Variants in DNAI1 observed in about 807,000 individuals in gnomAD.
DNAI1 encodes the protein dynein axonemal intermediate chain 1, also known as dynein, axonemal, intermediate polypeptide 1.
DNAI1 carries 67 observed loss-of-function variants against 92.0 expected under a neutral mutation model. The ratio of observed to expected loss-of-function variants is 0.73; its 90% CI spans 0.60 to 0.89. The LOEUF is 0.89. DNAI1 is among the 40% of genes least tolerant of loss of function. DNAI1 has a pLI of 0.00. For synonymous variants in DNAI1, 323 were observed against 319.6 expected, an observed-to-expected ratio of 1.01 and a Z score of -0.11; for missense variants, 839 against 866.6, an observed-to-expected ratio of 0.97 and a Z score of 0.40.
At chr9:34,479,950 C>G (rs1445468341) in intron 1 of DNAI1, among the ~76,000 whole-genome samples, 1 of 152,242 alleles carries the variant, frequency 6.6e-6, no homozygotes, top group Non-Finnish European at 1.5e-5. Context: ...GCTATAAGTG[C>G]CCATCTAGTC....
chr9:34,462,362 A>G (rs1221346892), intron 1 of DNAI1, among the ~76,000 whole-genome samples: 1 of 152,122 alleles, frequency 6.6e-6, no homozygotes, highest in Non-Finnish European at 1.5e-5. Flanking sequence ...TTCATATCCT[A>G]TTCATATTTC....
intron 1 of DNAI1, among the ~76,000 whole-genome samples, chr9:34,467,923 A>C (rs960057498): frequency 2.0e-5 from 3 of 152,222 alleles, no homozygotes; most frequent in African/African-American, 7.2e-5. Context: ...AGGTAGATCC[A>C]AAGGAGAGCA....
intron 1 of DNAI1, among the ~76,000 whole-genome samples, chr9:34,464,561 C>T (rs1365692245): frequency 6.6e-6 from 1 of 151,684 alleles, no homozygotes. Flanking sequence ...TAAGTTTCCT[C>T]TGTTATATAG....
intron 1 of DNAI1, among the ~76,000 whole-genome samples, chr9:34,479,341 G>C (rs1322439176): frequency 1.3e-5 from 2 of 152,198 alleles, no homozygotes; most frequent in African/African-American, 4.8e-5. Context: ...TCTGTCTCAG[G>C]CTTCTCATTC....
chr9:34,476,347 TTCTC>T (rs1207526033), intron 1 of DNAI1, among the ~76,000 whole-genome samples: 1 of 152,198 alleles, frequency 6.6e-6, no homozygotes, highest in Non-Finnish European at 1.5e-5. Context: ...AACCACCTCA[TTCTC>T]TCTCAGCTCC....
At chr9:34,491,772 C>T (rs889654260) in intron 8 of DNAI1, among the ~76,000 whole-genome samples, 2 of 152,206 alleles carry the variant, frequency 1.3e-5, no homozygotes, top group African/African-American at 4.8e-5. Flanking sequence ...AGCCACGTGA[C>T]TCAAGGGCAA....
At chr9:34,489,221 A>G (rs1355291615) in intron 4 of DNAI1, 102 bp from the exon 5 acceptor site, 12 of 1,420,664 alleles carry the variant, frequency 8.4e-6, no homozygotes, top group Admixed American at 6.7e-5. Flanking sequence ...ATTTCCTTTA[A>G]CAAAGATGGA....
intron 16 of DNAI1, 117 bp downstream of exon 16, chr9:34,513,308 G>C: frequency 2.5e-6 from 2 of 811,646 alleles, no homozygotes; most frequent in East Asian, 5.0e-5. Context: ...GTTCTAGAAG[G>C]CCTCTTGAGG....
intron 1 of DNAI1, among the ~76,000 whole-genome samples, chr9:34,466,403 T>C (rs1349608388): frequency 6.6e-6 from 1 of 152,252 alleles, no homozygotes; most frequent in Non-Finnish European, 1.5e-5. Flanking sequence ...GGAGTGTATA[T>C]GGACAAAATA....
Position 34,469,842 on chromosome 9 carries a change from A to G in DNAI1, c.48+10789A>G, listed in dbSNP as rs921364754. 1.4e-4 allele frequency among the ~76,000 whole-genome samples: 21 copies of G among 152,176 alleles called. 1 individual carries two copies. Among genetic ancestry groups the G allele is most frequent in the African/African-American group, 5.1e-4 (21 of 41,436 alleles). ...TGATCCTACTGTCTCGGCCTCCCAG[A>G]GTGCTGAGATTACAGGCGTGAGCCA... On this transcript the variant is annotated intron_variant, in intron 1 of 19. Transcript: ENST00000242317.
intron 10 of DNAI1, among the ~76,000 whole-genome samples, chr9:34,499,796 C>T (rs765522592): frequency 1.3e-4 from 20 of 152,240 alleles, no homozygotes; most frequent in Non-Finnish European, 1.9e-4. Flanking sequence ...GGAGGGGACA[C>T]GGACAGCTGA....
At chr9:34,465,885 A>G (rs570053115) in intron 1 of DNAI1, among the ~76,000 whole-genome samples, 1 of 152,236 alleles carries the variant, frequency 6.6e-6, no homozygotes, top group Non-Finnish European at 1.5e-5. Flanking sequence ...AGCAAAGGAC[A>G]CAGCTGTTGT....
intron 1 of DNAI1, 26 bp from the exon 2 acceptor site, chr9:34,483,422 C>T (rs749365115): frequency 3.7e-6 from 6 of 1,608,428 alleles, no homozygotes; most frequent in Non-Finnish European, 5.1e-6. Context: ...TTATGACTTA[C>T]CTTCTGTTTT....
chr9:34,477,750 G>A (rs1824265175), intron 1 of DNAI1, among the ~76,000 whole-genome samples: 1 of 152,026 alleles, frequency 6.6e-6, no homozygotes, highest in African/African-American at 2.4e-5. Context: ...TGAGTGAGAG[G>A]GGGAATCCTG....
intron 1 of DNAI1, chr9:34,478,897 T>G (rs1451660299): frequency 3.3e-5 from 5 of 152,180 alleles, no homozygotes; most frequent in African/African-American, 1.2e-4. Context: ...TAACAGAGTG[T>G]CTATTTACGT....
chr9:34,485,033 A>G (rs1005647379), intron 2 of DNAI1, 109 bp from the exon 3 acceptor site: 1 of 1,037,668 alleles, frequency 9.6e-7, no homozygotes, highest in Non-Finnish European at 1.5e-6. Flanking sequence ...TATTCTACAT[A>G]CAAGGGGCAG....
chr9:34,485,510 G>T lies in DNAI1; in HGVS notation c.254G>T (p.Ser85Ile). The T allele has an allele frequency of 1.2e-6, 2 of 1,614,094 alleles. No homozygotes were observed. The highest frequency in any genetic ancestry group is 1.7e-6 in the Non-Finnish European group (2 of 1,179,996). Residue 85 changes from serine to isoleucine, a missense_variant, in exon 4 of 20, where the codon AGC becomes ATC. Ser to Ile is a moderately radical substitution (Grantham distance 142). Coordinates refer to ENST00000242317, the MANE Select transcript of DNAI1 (RefSeq NM_012144.4). ...PHAPQNIVRY[S>I]FKEGTYKPIG... ...GCACCCCAGAACATTGTCAGGTACAGCTTCAAAGTAAGTCATCCCCTCCTG... is the reference window on the plus strand; with the variant it reads ...GCACCCCAGAACATTGTCAGGTACATCTTCAAAGTAAGTCATCCCCTCCTG...
chr9:34,508,459 C>T (rs1291394284), intron 13 of DNAI1, among the ~76,000 whole-genome samples: 1 of 152,184 alleles, frequency 6.6e-6, no homozygotes, highest in Non-Finnish European at 1.5e-5. Flanking sequence ...AGTCCACCTC[C>T]CAATTAATCA....
Position 34,490,406 on chromosome 9 carries a change from C to G in DNAI1, c.539C>G (p.Pro180Arg). 6.2e-7 allele frequency: 1 copy of G among 1,614,138 alleles called. No individual in the cohort carries two copies. Among genetic ancestry groups the G allele is most frequent in the Non-Finnish European group, 8.5e-7 (1 of 1,180,028 alleles). The part of the protein sequence containing the change: ...EKVTEEELMT[P>R]KQPKERKLTN... ...GTGACTGAAGAAGAATTGATGACTC[C>G]TAAGCAGCCCAAGGAGAGAAAGCTC... The change falls in exon 7 of 20, where the codon CCT becomes CGT. Residue 180 changes from proline to arginine, a missense_variant. By Grantham distance (103) the Pro-to-Arg change is moderately radical. Transcript: ENST00000242317.
Sources: allele counts gnomAD v4.1 joint callset (sites outside exome capture counted in the v4.1 genomes callset), GRCh38; gene constraint gnomAD v4.1.1; transcripts MANE v1.5; gene names NCBI Gene and HGNC (gene_info 2026-07-23, HGNC 2026-07-21).